The following QTMAN variants were observed in gnomAD, a reference collection of about 807,000 sequenced individuals.
QTMAN encodes the protein tRNA-queuosine alpha-mannosyltransferase.
At chr2:144,205,809 T>C in the QTMAN span, among the ~76,000 whole-genome samples, 74 of 152,348 alleles carry the variant, frequency 4.9e-4, no homozygotes, top group African/African-American at 1.7e-3. Flanking sequence ...CTGGAACGAA[T>C]GATTAACATT....
the QTMAN span, among the ~76,000 whole-genome samples, chr2:144,241,555 A>G: frequency 1.3e-5 from 2 of 152,162 alleles, no homozygotes; most frequent in Non-Finnish European, 1.5e-5. Context: ...ACTAGTAAGC[A>G]GAATCAGAAT....
chr2:144,172,120 C>T, the QTMAN span, among the ~76,000 whole-genome samples: 15 of 151,742 alleles, frequency 9.9e-5, no homozygotes, highest in East Asian at 3.9e-4. Flanking sequence ...AGTTGAGATC[C>T]GCCATAGCAA....
the QTMAN span, among the ~76,000 whole-genome samples, chr2:144,012,997 C>T: frequency 1.3e-5 from 2 of 152,002 alleles, no homozygotes; most frequent in African/African-American, 4.8e-5. Context: ...AGTAGAGCCA[C>T]AGCGTTGTAT....
the QTMAN span, among the ~76,000 whole-genome samples, chr2:144,133,090 G>A: frequency 2.1e-5 from 2 of 93,442 alleles, no homozygotes; most frequent in Non-Finnish European, 4.0e-5. Context: ...TTTTAATACA[G>A]CATTACCCAA....
chr2:144,276,984 C>G, the QTMAN span, among the ~76,000 whole-genome samples: 44 of 152,136 alleles, frequency 2.9e-4, no homozygotes, highest in Non-Finnish European at 4.6e-4. Context: ...AAGGTATTAT[C>G]AAGATGTGGC....
chr2:144,259,449 C>T, the QTMAN span, among the ~76,000 whole-genome samples: 67 of 152,138 alleles, frequency 4.4e-4, no homozygotes, highest in Middle Eastern at 0.01. Context: ...ATGAGCCACC[C>T]CGCCCAGTAG....
the QTMAN span, among the ~76,000 whole-genome samples, chr2:144,084,608 A>G: frequency 6.6e-6 from 1 of 152,300 alleles, no homozygotes; most frequent in East Asian, 1.9e-4. Flanking sequence ...AGATTTTACA[A>G]CTATTTCTCT....
the QTMAN span, among the ~76,000 whole-genome samples, chr2:144,226,561 G>C: frequency 6.6e-6 from 1 of 151,982 alleles, no homozygotes; most frequent in Admixed American, 6.6e-5. Context: ...ATATTAAAAG[G>C]GCTTCCTTTA....
At chr2:144,302,336 G>A in the QTMAN span, among the ~76,000 whole-genome samples, 2 of 151,896 alleles carry the variant, frequency 1.3e-5, no homozygotes, top group Admixed American at 6.6e-5. Context: ...GAAAGATATC[G>A]ATTACACTGG....
the QTMAN span, among the ~76,000 whole-genome samples, chr2:143,969,469 G>C: frequency 1.3e-5 from 2 of 152,148 alleles, no homozygotes; most frequent in Non-Finnish European, 2.9e-5. Context: ...GGGCTTTGGG[G>C]TACAATGATG....
chr2:144,279,293 A>T, the QTMAN span, among the ~76,000 whole-genome samples: 1 of 151,764 alleles, frequency 6.6e-6, no homozygotes, highest in African/African-American at 2.4e-5. Context: ...TTTTCCAGGA[A>T]GAGTGAAAGG....
At chr2:144,007,542 C>CA in the QTMAN span, 10 of 1,515,292 alleles carry the variant, frequency 6.6e-6, no homozygotes, top group Admixed American at 2.3e-5. Context: ...GAATCTGTTA[C>CA]AAAAAAAGAA....
chr2:144,092,006 C>A, the QTMAN span, among the ~76,000 whole-genome samples: 1 of 152,058 alleles, frequency 6.6e-6, no homozygotes, highest in Non-Finnish European at 1.5e-5. Flanking sequence ...GAAAGCTTAT[C>A]AGCAGTGCCA....
chr2:144,053,414 G>C, the QTMAN span, among the ~76,000 whole-genome samples: 1 of 152,262 alleles, frequency 6.6e-6, no homozygotes, highest in East Asian at 1.9e-4. Flanking sequence ...CTTAGGTTTG[G>C]TAAAATAATG....
At chr2:144,058,121 C>A in the QTMAN span, among the ~76,000 whole-genome samples, 1 of 131,888 alleles carries the variant, frequency 7.6e-6, no homozygotes, top group Admixed American at 7.8e-5. Flanking sequence ...ACCCCCCTCC[C>A]CCACCCCGCT....
chr2:144,309,921 G>A, the QTMAN span, among the ~76,000 whole-genome samples: 12 of 152,100 alleles, frequency 7.9e-5, no homozygotes, highest in Non-Finnish European at 1.5e-4. Flanking sequence ...TGCATTAAGT[G>A]CCAACTGTGT....
At chr2:144,097,272 A>G in the QTMAN span, among the ~76,000 whole-genome samples, 4 of 152,236 alleles carry the variant, frequency 2.6e-5, no homozygotes, top group Non-Finnish European at 5.9e-5. Flanking sequence ...TACTACTTAA[A>G]GCATTTCAAA....
chr2:144,018,673 TACTC>T, the QTMAN span, among the ~76,000 whole-genome samples: 30 of 152,146 alleles, frequency 2.0e-4, no homozygotes, highest in East Asian at 5.4e-3. Context: ...AGACAGCAAA[TACTC>T]AGTGAAAACA....
the QTMAN span, among the ~76,000 whole-genome samples, chr2:144,298,990 CAGG>C: frequency 1.3e-5 from 2 of 152,138 alleles, no homozygotes; most frequent in African/African-American, 4.8e-5. Flanking sequence ...CTTGCCCTGG[CAGG>C]AGACTTTTTT....
Sources: gnomAD v4.1 joint callset for allele counts (sites outside exome capture counted in the v4.1 genomes callset) on GRCh38, gnomAD v4.1.1 for gene constraint, MANE v1.5 for transcripts, NCBI Gene and HGNC (gene_info 2026-07-23, HGNC 2026-07-21) for gene names.